Variants in NPC2 observed in about 807,000 individuals in gnomAD.
NPC2 encodes Niemann-Pick disease type C2 protein.
A neutral mutation model predicts 17.0 loss-of-function variants in NPC2; 14 were observed. The ratio of observed to expected loss-of-function variants is 0.82; its 90% CI spans 0.54 to 1.29. NPC2 has a LOEUF of 1.29. NPC2 is among the 50% of genes most tolerant of loss of function. The pLI, the probability that NPC2 is intolerant of heterozygous loss-of-function variation, is 0.00. For missense variants in NPC2, 167 were observed against 183.4 expected, an observed-to-expected ratio of 0.91 and a Z score of 0.52; for synonymous variants, 75 against 69.3, an observed-to-expected ratio of 1.08 and a Z score of -0.41.
chr14:74,486,264 T>C, intron 2 of NPC2, 65 bp downstream of exon 2: 3 of 1,367,626 alleles, frequency 2.2e-6, no homozygotes, highest in Non-Finnish European at 3.1e-6. Context: ...CCCATGCTTA[T>C]TCCAACACTT....
chr14:74,483,480 C>T, intron 3 of NPC2: 1 of 1,565,092 alleles, frequency 6.4e-7, no homozygotes, highest in South Asian at 1.1e-5. Flanking sequence ...AAGAAACAGC[C>T]TAAAAAGAAA....
chr14:74,490,960 C>T (rs1351688794), intron 1 of NPC2, among the ~76,000 whole-genome samples: 7 of 152,234 alleles, frequency 4.6e-5, no homozygotes, highest in Non-Finnish European at 1.0e-4. Flanking sequence ...AAGTGGCTCA[C>T]AAAGACCCAC....
intron 3 of NPC2, among the ~76,000 whole-genome samples, chr14:74,481,186 C>T (rs566940782): frequency 2.0e-5 from 3 of 152,326 alleles, no homozygotes; most frequent in South Asian, 2.1e-4. Flanking sequence ...CCCTCATGAA[C>T]GGCTTAGCAC....
intron 3 of NPC2, among the ~76,000 whole-genome samples, chr14:74,482,713 G>A (rs942368253): frequency 6.6e-6 from 1 of 152,196 alleles, no homozygotes; most frequent in South Asian, 2.1e-4. Context: ...CTGCTTCTTA[G>A]TGGAGTGGAC....
intron 1 of NPC2, among the ~76,000 whole-genome samples, chr14:74,491,962 C>T (rs533685484): frequency 6.6e-6 from 1 of 152,306 alleles, no homozygotes; most frequent in South Asian, 2.1e-4. Flanking sequence ...AGAGTCTGAA[C>T]CTCCCCAAAT....
At chr14:74,488,170 C>G (rs892537908) in intron 1 of NPC2, among the ~76,000 whole-genome samples, 1 of 152,166 alleles carries the variant, frequency 6.6e-6, no homozygotes, top group African/African-American at 2.4e-5. Flanking sequence ...TTGCCCCTCA[C>G]CATGATTCTC....
At chr14:74,486,466 G>T in intron 1 of NPC2, 30 bp from the exon 2 acceptor site, 2 of 1,542,812 alleles carry the variant, frequency 1.3e-6, no homozygotes, top group Non-Finnish European at 1.8e-6. Context: ...TGGAATAGGA[G>T]AATAGGAGGA....
At chr14:74,485,251 C>A (rs1383209802) in intron 2 of NPC2, among the ~76,000 whole-genome samples, 4 of 128,722 alleles carry the variant, frequency 3.1e-5, no homozygotes, top group African/African-American at 5.9e-5. Flanking sequence ...GCTGAGATTG[C>A]GCCACTGCAC....
chr14:74,493,317 G>A (rs762710426), upstream of NPC2: 8 of 1,595,364 alleles, frequency 5.0e-6, no homozygotes, highest in Non-Finnish European at 6.8e-6. This position sits in a 1 kb window ranked among gnomAD's most constrained non-coding sequence, Gnocchi z 4.1. Context: ...AGCAGCGGCC[G>A]CCCGCGGTCA....
intron 3 of NPC2, chr14:74,482,981 A>G: frequency 1.4e-6 from 1 of 720,270 alleles, no homozygotes; most frequent in Non-Finnish European, 2.6e-6. Context: ...ATCACGGGTG[A>G]GCTAGTGGTC....
At chr14:74,489,800 G>A (rs899456301) in intron 1 of NPC2, among the ~76,000 whole-genome samples, 1 of 152,220 alleles carries the variant, frequency 6.6e-6, no homozygotes, top group Admixed American at 6.5e-5. Flanking sequence ...GGTGCCGGAT[G>A]CCTGGGTTTG....
chr14:74,487,575 C>T (rs11850070), intron 1 of NPC2, among the ~76,000 whole-genome samples: 34,128 of 152,062 alleles, frequency 0.22, 4,243 homozygotes, highest in African/African-American at 0.32. Context: ...CCAAAAACCG[C>T]ACTTTATGCG....
At position 74,483,138 on chromosome 14, in the gene NPC2, T is replaced by C. The variant is rs191784741; in HGVS notation, c.363+1277A>G. 122 of 890,066 alleles carry C rather than the reference T, an allele frequency of 1.4e-4. No individual in the cohort carries two copies. In the African/African-American group the frequency reaches 1.8e-3, roughly 13 times the overall value. 55.1% of individuals were successfully genotyped at this position (890,066 alleles called of 1,614,324 possible). On this transcript the variant is annotated intron_variant, in intron 3 of 4. Transcript: ENST00000555619. ...AACAGTGTATGCTTAAAATCCTAGA[T>C]ACTGCAGGCACAGGGCAATTTACAG... is the stretch of plus-strand genomic sequence containing the variant.
Position 74,480,140 on chromosome 14 carries a change from A to G in NPC2, c.*134T>C. The stretch of plus-strand genomic sequence containing the variant: ...CCACCCGGAGCTCAGTTTCTGCTAC[A>G]GAGCACCTCCTCTTCAACGAATCAC... On this transcript the variant is annotated 3_prime_UTR_variant, in exon 5 of 5. Coordinates refer to ENST00000555619, the MANE Select transcript of NPC2 (RefSeq NM_006432.5). 1 of 1,590,394 alleles carries G rather than the reference A, an allele frequency of 6.3e-7. No individual in the cohort carries two copies. Among genetic ancestry groups the G allele is most frequent in the Non-Finnish European group, 8.5e-7 (1 of 1,170,058 alleles).
chr14:74,480,765 C>T lies in NPC2; in HGVS notation c.378G>A (p.Val126=), dbSNP rs1595220492. The T allele has an allele frequency of 6.2e-7, 1 of 1,613,734 alleles. No homozygotes were observed. The highest frequency in any genetic ancestry group is 2.2e-5 in the East Asian group (1 of 44,880). Residue 126 remains valine, a synonymous_variant, in exon 4 of 5, where the codon GTG becomes GTA. Transcript: ENST00000555619. ...KSEYPSIKLV[V]EWQLQDDKNQ... ...TTTTGTCATCCTGAAGTTGCCACTC[C>T]ACCACCAGTTTTATCTGGAGAAAGA...
chr14:74,493,443 G>A, upstream of NPC2: 1 of 1,459,326 alleles, frequency 6.9e-7, no homozygotes, highest in Non-Finnish European at 9.3e-7. The surrounding 1 kb of genome is among the most constrained non-coding windows in gnomAD (Gnocchi z 4.1). Context: ...GCCAGCTCCA[G>A]CCCTCTCAGG....
chr14:74,487,464 A>G (rs925889765), intron 1 of NPC2, among the ~76,000 whole-genome samples: 2 of 151,802 alleles, frequency 1.3e-5, no homozygotes, highest in Non-Finnish European at 2.9e-5. Flanking sequence ...ACAGGGTTTC[A>G]CCATGTTGCC....
intron 3 of NPC2, chr14:74,483,356 G>A (rs1411040156): frequency 7.2e-6 from 10 of 1,397,552 alleles, no homozygotes; most frequent in Admixed American, 3.5e-5. Context: ...CCAGAATTTA[G>A]CATGACAGTG....
chr14:74,480,216 G>A lies in NPC2; in HGVS notation c.*58C>T. The A allele has an allele frequency of 6.2e-7, 1 of 1,614,054 alleles. No individual in the cohort carries two copies. The highest frequency in any genetic ancestry group is 8.5e-7 in the Non-Finnish European group (1 of 1,180,014). ...TGTTGTTGAAGCAGCAGAGCTGGAG[G>A]TGCTGTCAAGAGTCTCAGCAGACTC... On this transcript the variant is annotated 3_prime_UTR_variant, in exon 5 of 5. Coordinates refer to ENST00000555619, the MANE Select transcript of NPC2 (RefSeq NM_006432.5).
Sources: allele counts gnomAD v4.1 joint callset (sites outside exome capture counted in the v4.1 genomes callset), GRCh38; gene constraint gnomAD v4.1.1; non-coding constraint Gnocchi (gnomAD v3.1); transcripts MANE v1.5; gene names NCBI Gene and HGNC (gene_info 2026-07-23, HGNC 2026-07-21).